The following SCN1A variants were observed in gnomAD, a reference collection of about 807,000 sequenced individuals.
The protein encoded by SCN1A is sodium voltage-gated channel alpha subunit 1.
A neutral mutation model predicts 193.7 loss-of-function variants in SCN1A; 13 were observed. The ratio of observed to expected loss-of-function variants is 0.07; its 90% CI spans 0.04 to 0.11. The LOEUF (loss-of-function observed/expected upper bound fraction) is 0.11, where lower values mean the gene tolerates loss of function less well. Ranked by LOEUF, SCN1A falls within the 10% of genes least tolerant of loss-of-function variation. The pLI is 1.00. For missense variants in SCN1A, 1,432 were observed against 2,451.1 expected, an observed-to-expected ratio of 0.58 and a Z score of 8.78; for synonymous variants, 781 against 843.6, an observed-to-expected ratio of 0.93 and a Z score of 1.29.
rs1688834919 is a variant in SCN1A, at chr2:165,989,301, G to A, written c.*1944C>T. 6.6e-6 allele frequency: 1 copy of A among 152,418 alleles called. No individual in the cohort carries two copies. The highest frequency in any genetic ancestry group is 2.4e-5 in the African/African-American group (1 of 41,368). The allele number at this position is 152,418 out of a possible 1,614,324, so 9.4% of individuals were successfully genotyped here. The stretch of plus-strand genomic sequence containing the variant: ...GTTTTAAGGAAAAGAGGAGCCTATG[G>A]TTTGCTTCTGTAAGAAACACAAAAT... On this transcript the variant is annotated 3_prime_UTR_variant, in exon 29 of 29. Coordinates refer to ENST00000674923, the MANE Select transcript of SCN1A (RefSeq NM_001165963.4).
upstream of SCN1A, among the ~76,000 whole-genome samples, chr2:166,131,562 C>T (rs1187463797): frequency 6.6e-6 from 1 of 152,082 alleles, no homozygotes; most frequent in Non-Finnish European, 1.5e-5. Flanking sequence ...AAAGCTGGGC[C>T]AGGTAATTTT....
At chr2:166,005,918 T>A (rs1294314315) in intron 23 of SCN1A, among the ~76,000 whole-genome samples, 1 of 150,958 alleles carries the variant, frequency 6.6e-6, no homozygotes, top group African/African-American at 2.4e-5. Context: ...TCTCAGAAGC[T>A]TTTTTTTCAA....
intron 1 of SCN1A, among the ~76,000 whole-genome samples, chr2:166,135,212 C>G (rs1287690663): frequency 6.6e-6 from 1 of 152,052 alleles, no homozygotes; most frequent in Non-Finnish European, 1.5e-5. Context: ...TTAAGTATAT[C>G]TTTATATCAA....
upstream of SCN1A, among the ~76,000 whole-genome samples, chr2:166,131,435 T>C (rs1246696846): frequency 2.0e-5 from 3 of 152,112 alleles, no homozygotes; most frequent in Non-Finnish European, 2.9e-5. Flanking sequence ...TACTTTGTTA[T>C]AGCTCTGTCA....
intron 16 of SCN1A, 90 bp from the exon 17 acceptor site, chr2:166,039,686 T>G (rs978488762): frequency 8.6e-7 from 1 of 1,156,888 alleles, no homozygotes; most frequent in Non-Finnish European, 1.3e-6. Flanking sequence ...TTATGCTATT[T>G]TCCCACAATG....
intron 27 of SCN1A, 55 bp downstream of exon 27, chr2:165,995,958 A>C: frequency 7.4e-5 from 81 of 1,098,624 alleles, no homozygotes; most frequent in Middle Eastern, 2.0e-4. Context: ...TTGTGAGACA[A>C]GCATGCAAGT....
chr2:166,053,017 C>A, intron 7 of SCN1A, 74 bp from the exon 8 acceptor site: 1 of 1,433,174 alleles, frequency 7.0e-7, no homozygotes, highest in Non-Finnish European at 9.8e-7. Context: ...AGAGCCTATC[C>A]TTTACTCTAA....
chr2:166,143,235 C>T (rs965488206), intron 1 of SCN1A, among the ~76,000 whole-genome samples: 6 of 140,958 alleles, frequency 4.3e-5, no homozygotes, highest in East Asian at 2.1e-4. Flanking sequence ...GGCAGGATCT[C>T]GGCTCACTGC....
At chr2:166,021,135 A>G (rs376756545) in intron 19 of SCN1A, among the ~76,000 whole-genome samples, 66 of 152,306 alleles carry the variant, frequency 4.3e-4, no homozygotes, top group African/African-American at 1.6e-3. Context: ...ATCATGGCTA[A>G]CCCTTATGAT....
At position 165,992,449 on chromosome 2, in the gene SCN1A, C is replaced by T. The variant is rs758344948; in HGVS notation, c.4853-27G>A. ...TATGAATAAACAATGAGAATACCAA[C>T]CAGTGAAGAAATCATGCGTTAAAAT... On this transcript the variant is annotated intron_variant, in intron 28 of 28. Transcript: ENST00000674923. This position sits in a 1 kb window ranked among gnomAD's most constrained non-coding sequence, Gnocchi z 6.5. 23 of 1,611,842 alleles carry T rather than the reference C, an allele frequency of 1.4e-5. No individual in the cohort carries two copies. Among genetic ancestry groups the T allele is most frequent in the Non-Finnish European group, 1.9e-5 (22 of 1,178,480 alleles).
intron 19 of SCN1A, among the ~76,000 whole-genome samples, chr2:166,021,214 G>C (rs1250152975): frequency 6.6e-6 from 1 of 152,136 alleles, no homozygotes; most frequent in Non-Finnish European, 1.5e-5. Flanking sequence ...ATCAGAAAAA[G>C]TGACATGTGA....
At position 165,994,386 on chromosome 2, in the gene SCN1A, C is replaced by T. The variant is rs780360360; in HGVS notation, c.4612G>A (p.Val1538Ile). Residue 1538 changes from valine (V) to isoleucine (I), a missense_variant, in exon 28 of 29, where the codon GTA becomes ATA. Physicochemically the swap from Val to Ile is conservative, Grantham distance 29. Transcript: ENST00000674923. ...CTTATGTCAAAAACTTGTCTGGTTA[C>T]GAAGTCAAAGACCATTCCTTGAAAT... is the stretch of plus-strand genomic sequence containing the variant. ...NKFQGMVFDF[V>I]TRQVFDISIM... 19 of 1,612,632 alleles carry T rather than the reference C, an allele frequency of 1.2e-5. No individual in the cohort carries two copies. The highest frequency in any genetic ancestry group is 5.0e-5 in the Admixed American group (3 of 59,828).
chr2:166,097,663 C>A (rs549323946), intron 2 of SCN1A, among the ~76,000 whole-genome samples: 14 of 152,172 alleles, frequency 9.2e-5, no homozygotes. Context: ...CTCACTGCAG[C>A]CTTGAACTAC....
chr2:166,118,298 G>GCTTCTTTTTTTTTTTT lies in SCN1A; in HGVS notation c.-142+8625_-142+8626insAAAAAAAAAAAAGAAG, dbSNP rs371947861. Among the ~76,000 whole-genome samples, 101 of 44,732 alleles carry GCTTCTTTTTTTTTTTT rather than the reference G, an allele frequency of 2.3e-3. 43 individuals are homozygous for GCTTCTTTTTTTTTTTT. Among genetic ancestry groups the GCTTCTTTTTTTTTTTT allele is most frequent in the African/African-American group, 5.4e-3 (75 of 13,764 alleles). 29.3% of individuals were successfully genotyped at this position (44,732 alleles called of 152,430 possible). A position where few individuals can be genotyped will look rare whatever the true frequency, so the allele number is the denominator to read the frequency against. On this transcript the variant is annotated intron_variant, in intron 2 of 28. Transcript: ENST00000674923. ...TTCTTTGCTTACTGATTTCTATTTA[G>GCTTCTTTTTTTTTTTT]TTTCTTTTTTTTTTTTTTTTTTTTT...
chr2:166,101,080 T>C (rs1688008261), intron 2 of SCN1A, among the ~76,000 whole-genome samples: 1 of 119,462 alleles, frequency 8.4e-6, no homozygotes, highest in African/African-American at 3.2e-5. Flanking sequence ...TGCGGCATTA[T>C]TCACAATAGC....
In SCN1A at chr2:166,003,217, A is replaced by T. The variant is rs1312216904; in HGVS notation, c.4003-464T>A. 2.0e-5 allele frequency among the ~76,000 whole-genome samples: 3 copies of T among 151,568 alleles called. No individual in the cohort carries two copies. The East Asian group carries it at 5.8e-4, about 29-fold the overall frequency. On this transcript the variant is annotated intron_variant, in intron 23 of 28. Transcript: ENST00000674923. ...TTAAAATAACTTAAAAATTCAGATG[A>T]TAAATATAAAAAATATTATTAAATA...
At chr2:166,101,311 A>G (rs1688040789) in intron 2 of SCN1A, among the ~76,000 whole-genome samples, 1 of 139,148 alleles carries the variant, frequency 7.2e-6, no homozygotes, top group Non-Finnish European at 1.5e-5. Flanking sequence ...TTGAACAATG[A>G]GATCACATGG....
intron 2 of SCN1A, among the ~76,000 whole-genome samples, chr2:166,100,492 C>A (rs1431620694): frequency 1.3e-5 from 2 of 151,712 alleles, no homozygotes; most frequent in Non-Finnish European, 2.9e-5. Flanking sequence ...GCAATGGCAA[C>A]AAAAGACAAA....
At chr2:166,039,334 G>A (rs745763870) in intron 17 of SCN1A, 89 bp downstream of exon 17, 124 of 1,325,988 alleles carry the variant, frequency 9.4e-5, no homozygotes, top group Non-Finnish European at 1.3e-4. Flanking sequence ...GCTAATGGTT[G>A]TGTGGCAAAA....
Sources: allele counts gnomAD v4.1 joint callset (sites outside exome capture counted in the v4.1 genomes callset), GRCh38; gene constraint gnomAD v4.1.1; non-coding constraint Gnocchi (gnomAD v3.1); transcripts MANE v1.5; gene names NCBI Gene and HGNC (gene_info 2026-07-23, HGNC 2026-07-21).